Variants in BRCA1 observed in about 807,000 individuals in gnomAD.
The protein encoded by BRCA1 is BRCA1 DNA repair associated, also known as breast cancer type 1 susceptibility protein.
In BRCA1, 140 loss-of-function variants were observed where a neutral mutation model predicts 173.7. The ratio of observed to expected loss-of-function variants is 0.81; its 90% CI spans 0.70 to 0.93. The LOEUF is 0.93. Ranked by LOEUF, BRCA1 falls within the 40% of genes least tolerant of loss-of-function variation. The pLI, the probability that BRCA1 is intolerant of heterozygous loss-of-function variation, is 0.00. For synonymous variants in BRCA1, 662 were observed against 756.0 expected, an observed-to-expected ratio of 0.88 and a Z score of 2.04; for missense variants, 1,983 against 2,172.5, an observed-to-expected ratio of 0.91 and a Z score of 1.73.
chr17:43,073,760 A>ATT (rs1176288457), intron 14 of BRCA1, among the ~76,000 whole-genome samples: 1 of 151,556 alleles, frequency 6.6e-6, no homozygotes, highest in African/African-American at 2.4e-5. Flanking sequence ...ATATATATAT[A>ATT]TATATATTTT....
rs186198860 is a variant in BRCA1, at chr17:43,081,840, T to C, written c.4357+564A>G. Among the ~76,000 whole-genome samples, 576 of 152,308 alleles carry C rather than the reference T, an allele frequency of 3.8e-3. 9 individuals carry two copies. The highest frequency in any genetic ancestry group is 0.024 in the Middle Eastern group (7 of 294). ...GTCCATCTGGATTTTTTTTGATAACTGTAACATTGCTATAAAGCACTTGAC... is the reference window on the plus strand; with the variant it reads ...GTCCATCTGGATTTTTTTTGATAACCGTAACATTGCTATAAAGCACTTGAC... On this transcript the variant is annotated intron_variant, in intron 12 of 22. Transcript: ENST00000357654.
At chr17:43,070,003 G>A (rs952303365) in intron 15 of BRCA1, among the ~76,000 whole-genome samples, 3 of 152,192 alleles carry the variant, frequency 2.0e-5, no homozygotes, top group African/African-American at 4.8e-5. Context: ...GTGCAATCTC[G>A]GCTCACCGCA....
rs80357516 is a variant in BRCA1, at chr17:43,093,653, T to TACTA, written c.1874_1877dup (p.Val627SerfsTer4). 6.2e-7 allele frequency: 1 copy of TACTA among 1,614,134 alleles called. No homozygotes were observed. The highest frequency in any genetic ancestry group is 8.5e-7 in the Non-Finnish European group (1 of 1,180,002). ...TAGGTGGGCTTAGATTTCTACTGAC[T>TACTA]ACTAGTTCAAGCGCATGAATATGCC... On this transcript the variant is annotated frameshift_variant, in exon 10 of 23. Coordinates refer to ENST00000357654, the MANE Select transcript of BRCA1 (RefSeq NM_007294.4). LOFTEE classifies it high-confidence loss of function.
chr17:43,130,212 G>A (rs1409249592), upstream of BRCA1, among the ~76,000 whole-genome samples: 3 of 152,002 alleles, frequency 2.0e-5, no homozygotes, highest in East Asian at 1.9e-4. Flanking sequence ...GACAGGGTCC[G>A]GCTTTGTTGC....
In BRCA1 at chr17:43,045,659, T is replaced by C; in HGVS notation, c.*19A>G. The C allele has an allele frequency of 6.2e-7, 1 of 1,613,736 alleles. No individual in the cohort carries two copies. Among genetic ancestry groups the C allele is most frequent in the Non-Finnish European group, 8.5e-7 (1 of 1,179,758 alleles). ...TCATTCTTGGGGTCCTGTGGCTCTG[T>C]ACCTGTGGCTGGCTGCAGTCAGTAG... is the stretch of plus-strand genomic sequence containing the variant. On this transcript the variant is annotated 3_prime_UTR_variant, in exon 23 of 23. Coordinates refer to ENST00000357654, the MANE Select transcript of BRCA1 (RefSeq NM_007294.4).
intron 18 of BRCA1, among the ~76,000 whole-genome samples, chr17:43,060,280 G>C (rs1271824442): frequency 1.3e-5 from 2 of 152,046 alleles, no homozygotes; most frequent in African/African-American, 4.8e-5. Context: ...CTACCTCAGT[G>C]ATCTGTCCGC....
At chr17:43,051,260 TCTG>T (rs1373562239) in intron 19 of BRCA1, 143 bp from the exon 20 acceptor site, 7 of 760,658 alleles carry the variant, frequency 9.2e-6, no homozygotes, top group Middle Eastern at 3.5e-4. Context: ...CCTGATGATT[TCTG>T]CTGCTACTTC....
At chr17:43,123,332 C>A (rs545835005) in intron 2 of BRCA1, among the ~76,000 whole-genome samples, 23 of 148,844 alleles carry the variant, frequency 1.5e-4, no homozygotes, top group Admixed American at 8.1e-4. Context: ...ATCCTCTCAA[C>A]GACACCGATC....
chr17:43,079,830 A>G, intron 12 of BRCA1: 13 of 709,316 alleles, frequency 1.8e-5, no homozygotes, highest in Middle Eastern at 3.7e-4. Flanking sequence ...AAAAAAAAGA[A>G]AAGTCATTCT....
At position 43,123,996 on chromosome 17, in the gene BRCA1, TAC is replaced by T. The variant is rs2154576389; in HGVS notation, c.80+19_80+20del. On this transcript the variant is annotated intron_variant, in intron 2 of 22. Coordinates refer to ENST00000357654, the MANE Select transcript of BRCA1 (RefSeq NM_007294.4). Reference sequence around the variant, plus strand: ...GATAATCATAGGAATCCCAAATTAATACACTCTTGTGCTGACTTACCAGATGG... The same window carrying T: ...GATAATCATAGGAATCCCAAATTAATACTCTTGTGCTGACTTACCAGATGG... 1 of 1,580,908 alleles carries T rather than the reference TAC, an allele frequency of 6.3e-7. No homozygotes were observed. Among genetic ancestry groups the T allele is most frequent in the Non-Finnish European group, 8.7e-7 (1 of 1,149,954 alleles).
At chr17:43,139,369 CTTT>C (rs71228773) in intron 1 of BRCA1, among the ~76,000 whole-genome samples, 1 of 142,480 alleles carries the variant, frequency 7.0e-6, no homozygotes. Flanking sequence ...TAGTTTTTTT[CTTT>C]TTTTTTTTTG....
intron 11 of BRCA1, among the ~76,000 whole-genome samples, chr17:43,085,258 G>C (rs1597851652): frequency 1.3e-5 from 2 of 152,062 alleles, no homozygotes; most frequent in South Asian, 4.1e-4. Context: ...GTGAAACACT[G>C]GCTGAGGCAG....
At chr17:43,068,221 A>G (rs575820341) in intron 15 of BRCA1, among the ~76,000 whole-genome samples, 3 of 151,822 alleles carry the variant, frequency 2.0e-5, no homozygotes, top group Admixed American at 2.0e-4. Context: ...AGCTTGCAGT[A>G]AGCCGAGATG....
chr17:43,123,945 G>C, intron 2 of BRCA1, 72 bp downstream of exon 2: 5 of 1,212,378 alleles, frequency 4.1e-6, no homozygotes, highest in Non-Finnish European at 6.1e-6. Context: ...TAGTATGTAA[G>C]GTCAATTCTG....
chr17:43,067,857 G>C, intron 15 of BRCA1, among the ~76,000 whole-genome samples, 162 bp from the exon 16 acceptor site: 1 of 26,008 alleles, frequency 3.8e-5, no homozygotes, highest in South Asian at 1.5e-3. Flanking sequence ...TTTTTTTTTA[G>C]ACAGAGTCTT....
chr17:43,051,205 C>G (rs1467160176), intron 19 of BRCA1, 88 bp from the exon 20 acceptor site: 1 of 1,279,252 alleles, frequency 7.8e-7, no homozygotes. Flanking sequence ...ATTCAAAAAA[C>G]AGACTTTCAA....
chr17:43,088,338 A>T (rs919357614), intron 11 of BRCA1, among the ~76,000 whole-genome samples: 4 of 150,474 alleles, frequency 2.7e-5, no homozygotes, highest in African/African-American at 9.8e-5. Context: ...CCTAGTAACC[A>T]CTATTCTACC....
intron 19 of BRCA1, among the ~76,000 whole-genome samples, chr17:43,051,468 A>G (rs566088735): frequency 6.6e-6 from 1 of 152,206 alleles, no homozygotes; most frequent in East Asian, 1.9e-4. Context: ...GATGCAAGGG[A>G]AAAAAGGTCC....
chr17:43,069,434 T>C (rs2052288885), intron 15 of BRCA1, among the ~76,000 whole-genome samples: 1 of 152,266 alleles, frequency 6.6e-6, no homozygotes, highest in East Asian at 1.9e-4. Context: ...TAGTCTAATC[T>C]GCAGCTCAGA....
Sources: gnomAD v4.1 joint callset for allele counts (sites outside exome capture counted in the v4.1 genomes callset) on GRCh38, gnomAD v4.1.1 for gene constraint, MANE v1.5 for transcripts, NCBI Gene and HGNC (gene_info 2026-07-23, HGNC 2026-07-21) for gene names.